Variants in UNC5CL observed in about 807,000 individuals in gnomAD.
The protein encoded by UNC5CL is unc-5 family C-terminal like, also known as UNC5C-like protein.
UNC5CL carries 42 observed loss-of-function variants against 54.1 expected under a neutral mutation model. The observed-to-expected ratio is 0.78, with a 90% CI of 0.61 to 1.00. The LOEUF is 1.00. Among genes scored for constraint, UNC5CL ranks in the 50% least tolerant of loss-of-function variants. UNC5CL has a pLI of 0.00. For missense variants in UNC5CL, 619 were observed against 675.6 expected (o/e 0.92, Z 0.93); for synonymous variants, 285 against 285.1 (o/e 1.00, Z 0.00).
intron 6 of UNC5CL, among the ~76,000 whole-genome samples, chr6:41,031,133 A>G (rs1762449319): frequency 6.6e-6 from 1 of 152,072 alleles, no homozygotes. Context: ...CTCTTCTCCA[A>G]GTGACAACAG....
chr6:41,036,498 AT>A (rs1485350217), intron 1 of UNC5CL, among the ~76,000 whole-genome samples: 13 of 152,150 alleles, frequency 8.5e-5, no homozygotes, highest in African/African-American at 3.1e-4. Context: ...TGTACTTTGA[AT>A]TTTTCACATC....
At chr6:41,031,428 G>A (rs573583458) in intron 6 of UNC5CL, among the ~76,000 whole-genome samples, 42 of 152,336 alleles carry the variant, frequency 2.8e-4, no homozygotes, top group African/African-American at 9.4e-4. Flanking sequence ...GGGAGAAGGG[G>A]TTAAACTAGG....
chr6:41,032,871 C>T lies in UNC5CL; in HGVS notation c.949+13G>A. On this transcript the variant is annotated intron_variant, in intron 4 of 8. Transcript: ENST00000244565. ...CCCGATCATCCTATCCCACAGGCCA[C>T]TGCCTCCCTCACCCTCTGAGATGTA... The T allele has an allele frequency of 6.3e-7, 1 of 1,584,128 alleles. No individual in the cohort carries two copies. The highest frequency in any genetic ancestry group is 2.3e-5 in the East Asian group (1 of 44,002).
At chr6:41,035,885 C>G (rs774601036) in intron 1 of UNC5CL, among the ~76,000 whole-genome samples, 2 of 152,170 alleles carry the variant, frequency 1.3e-5, no homozygotes, top group African/African-American at 4.8e-5. Context: ...CTCAATACTG[C>G]TTAATGTACC....
At chr6:41,032,678 T>C (rs1386031175) in intron 4 of UNC5CL, among the ~76,000 whole-genome samples, 2 of 152,096 alleles carry the variant, frequency 1.3e-5, no homozygotes, top group Non-Finnish European at 2.9e-5. Context: ...GGAGAATAAC[T>C]TGAACCCAGG....
chr6:41,035,977 G>A (rs540059306), intron 1 of UNC5CL, among the ~76,000 whole-genome samples: 11 of 152,234 alleles, frequency 7.2e-5, no homozygotes, highest in African/African-American at 2.2e-4. Context: ...AAAGCAAGTC[G>A]CAGAGAGATA....
At position 41,028,412 on chromosome 6, in the gene UNC5CL, G is replaced by T. The variant is rs1195572946; in HGVS notation, c.1518C>A (p.Ala506=). The T allele has an allele frequency of 1.2e-6, 2 of 1,607,998 alleles. No individual in the cohort carries two copies. Among genetic ancestry groups the T allele is most frequent in the Admixed American group, 3.4e-5 (2 of 59,102 alleles). Residue 506 remains alanine (A), a synonymous_variant, in exon 9 of 9, where the codon GCC becomes GCA. Coordinates refer to ENST00000244565, the MANE Select transcript of UNC5CL (RefSeq NM_173561.3). This position sits in a 1 kb window ranked among gnomAD's most constrained non-coding sequence, Gnocchi z 4.3. The stretch of plus-strand genomic sequence containing the variant: ...CCAGCTCCAGGCCCTGGTTATCCCG[G>T]GCGCCCCCGCGCTCGGGGCCTGGGC... ...GGSPGPERGG[A]RDNQGLELDE...
intron 1 of UNC5CL, among the ~76,000 whole-genome samples, chr6:41,036,850 T>C (rs1174559482): frequency 2.0e-5 from 3 of 151,834 alleles, no homozygotes; most frequent in Non-Finnish European, 4.4e-5. Context: ...CCTGCTCACC[T>C]GGCTACCCAG....
rs913103165 is a variant in UNC5CL, at chr6:41,031,966, T to C, written c.1051+70A>G. ...GGGGTCTGCAGAGCTCCAGGGTTAC[T>C]GGGAGGGAAGGAGAGGAGACAGGAT... On this transcript the variant is annotated intron_variant, in intron 5 of 8. Transcript: ENST00000244565. 13 of 1,510,636 alleles carry C rather than the reference T, an allele frequency of 8.6e-6. No homozygotes were observed. The African/African-American group carries it at 1.4e-4, about 16-fold the overall frequency. The allele number at this position is 1,510,636 out of a possible 1,614,324, so 93.6% of individuals were successfully genotyped here.
chr6:41,030,309 C>T, intron 8 of UNC5CL, 79 bp downstream of exon 8: 2 of 1,358,698 alleles, frequency 1.5e-6, no homozygotes, highest in Non-Finnish European at 2.1e-6. Context: ...TGCCTGTGAT[C>T]CAGTCTCCAG....
chr6:41,028,228 G>A lies in UNC5CL; in HGVS notation c.*145C>T. ...GGGCGCGCCTGCTGCTGGGAGGCTGGCGAGGACGCGGGCGGCCCTGGCACC... is the reference window on the plus strand; with the variant it reads ...GGGCGCGCCTGCTGCTGGGAGGCTGACGAGGACGCGGGCGGCCCTGGCACC... On this transcript the variant is annotated 3_prime_UTR_variant, in exon 9 of 9. Transcript: ENST00000244565. The surrounding 1 kb of genome is among the most constrained non-coding windows in gnomAD (Gnocchi z 4.3). The A allele has an allele frequency of 1.2e-6, 1 of 859,136 alleles. No individual in the cohort carries two copies. Among genetic ancestry groups the A allele is most frequent in the East Asian group, 3.0e-5 (1 of 33,736 alleles). 53.2% of individuals were successfully genotyped at this position (859,136 alleles called of 1,614,324 possible).
At position 41,029,697 on chromosome 6, in the gene UNC5CL, A is replaced by T. The variant is rs1427510854; in HGVS notation, c.1334+691T>A. 1.3e-5 allele frequency among the ~76,000 whole-genome samples: 2 copies of T among 152,172 alleles called. No homozygotes were observed. Among genetic ancestry groups the T allele is most frequent in the Non-Finnish European group, 2.9e-5 (2 of 68,028 alleles). On this transcript the variant is annotated intron_variant, in intron 8 of 8. Transcript: ENST00000244565. The surrounding 1 kb of genome is among the most constrained non-coding windows in gnomAD (Gnocchi z 4.1). ...ACTAAAAATAAAAAATTAGCTGGAC[A>T]TGGTGGCGTGTGCCTGTAATCCCAG...
At position 41,032,937 on chromosome 6, in the gene UNC5CL, T is replaced by A. The variant is rs141959843; in HGVS notation, c.896A>T (p.Asp299Val). 9.0e-5 allele frequency: 144 copies of A among 1,605,606 alleles called. No individual in the cohort carries two copies. In the East Asian group the frequency reaches 3.1e-3, roughly 34 times the overall value. ...CTGGTCGCCCCTAGCCCCATTGAAG[T>A]CGAAGAGCTGGCAGGGCCCACGCAG... ...GRLRGPCQLF[D>V]FNGARGDQCL... The change falls in exon 4 of 9, where the codon GAC becomes GTC. Residue 299 changes from aspartate (D) to valine (V), a missense_variant. Coordinates refer to ENST00000244565, the MANE Select transcript of UNC5CL (RefSeq NM_173561.3).
chr6:41,036,742 G>A (rs890672510), intron 1 of UNC5CL, among the ~76,000 whole-genome samples: 1 of 149,854 alleles, frequency 6.7e-6, no homozygotes, highest in South Asian at 2.1e-4. Flanking sequence ...AAAGCTAAAA[G>A]TGGAAGCAAA....
At position 41,030,789 on chromosome 6, in the gene UNC5CL, G is replaced by A. The variant is rs1361033099; in HGVS notation, c.1120-34C>T. The A allele has an allele frequency of 5.0e-6, 8 of 1,596,874 alleles. No homozygotes were observed. In the African/African-American group the frequency reaches 5.4e-5, roughly 11 times the overall value. On this transcript the variant is annotated intron_variant, in intron 6 of 8. Transcript: ENST00000244565. ...ACACAGGGCAGGGAACACACTTAGG[G>A]GTCACAAGCCATCCCCCTGAGTAAG...
At chr6:41,038,245 ACCCAC>A (rs1285001086) in intron 1 of UNC5CL, among the ~76,000 whole-genome samples, 2 of 152,138 alleles carry the variant, frequency 1.3e-5, no homozygotes, top group African/African-American at 4.8e-5. Flanking sequence ...ATGTGGTAAT[ACCCAC>A]CCCACTACAC....
Position 41,028,281 on chromosome 6 carries a change from G to T in UNC5CL, c.*92C>A. 2 of 1,297,888 alleles carry T rather than the reference G, an allele frequency of 1.5e-6. No individual in the cohort carries two copies. The highest frequency in any genetic ancestry group is 2.1e-6 in the Non-Finnish European group (2 of 967,220). The allele number at this position is 1,297,888 out of a possible 1,614,324, so 80.4% of individuals were successfully genotyped here. Reference sequence around the variant, plus strand: ...CCGAGGGTTCTGGGAAGGGTGGTGGGCACAGCCAGGAACAGCTGCTGTGTT... The same window carrying T: ...CCGAGGGTTCTGGGAAGGGTGGTGGTCACAGCCAGGAACAGCTGCTGTGTT... On this transcript the variant is annotated 3_prime_UTR_variant, in exon 9 of 9. Transcript: ENST00000244565. This position sits in a 1 kb window ranked among gnomAD's most constrained non-coding sequence, Gnocchi z 4.3.
At chr6:41,030,058 T>C (rs980267019) in intron 8 of UNC5CL, among the ~76,000 whole-genome samples, 1 of 152,194 alleles carries the variant, frequency 6.6e-6, no homozygotes, top group Non-Finnish European at 1.5e-5. Flanking sequence ...GGCACCCAGC[T>C]ACATGCTTTA....
chr6:41,030,388 C>T lies in UNC5CL; in HGVS notation c.1334G>A (p.Arg445Gln). ...SHLGLCGMKI[R>Q]FLSCQRSPAA... ...CCACAGACCTCACCCCTCTTCCTAC[C>T]GGATCTTCATGCCGCAAAGCCCCAG... Residue 445 changes from arginine to glutamine, a missense_variant and splice_region_variant, in exon 8 of 9, where the codon CGG (arginine) becomes CAG (glutamine). Physicochemically the swap from Arg to Gln is conservative, Grantham distance 43 (BLOSUM62 1). Coordinates refer to ENST00000244565, the MANE Select transcript of UNC5CL (RefSeq NM_173561.3). 1.9e-6 allele frequency: 3 copies of T among 1,613,974 alleles called. No homozygotes were observed. The highest frequency in any genetic ancestry group is 2.5e-6 in the Non-Finnish European group (3 of 1,179,884).
Sources: allele counts gnomAD v4.1 joint callset (sites outside exome capture counted in the v4.1 genomes callset), GRCh38; gene constraint gnomAD v4.1.1; non-coding constraint Gnocchi (gnomAD v3.1); transcripts MANE v1.5; gene names NCBI Gene and HGNC (gene_info 2026-07-23, HGNC 2026-07-21).